CYTH4: variants seen among roughly 807,000 people sequenced by gnomAD.
The protein encoded by CYTH4 is cytohesin 4.
CYTH4 carries 22 observed loss-of-function variants against 57.5 expected under a neutral mutation model. The observed-to-expected ratio is 0.38, with a 90% CI of 0.27 to 0.55. The LOEUF (loss-of-function observed/expected upper bound fraction) is 0.55. CYTH4 is among the 20% of genes least tolerant of loss of function. The pLI, the probability that CYTH4 is intolerant of heterozygous loss-of-function variation, is 0.74. For synonymous variants in CYTH4, 186 were observed against 206.5 expected (o/e 0.90, Z 0.85); for missense variants, 420 against 535.6 (o/e 0.78, Z 2.13).
intron 1 of CYTH4, among the ~76,000 whole-genome samples, chr22:37,285,858 G>A (rs768280104): frequency 1.8e-4 from 27 of 152,162 alleles, no homozygotes; most frequent in East Asian, 1.9e-4. Flanking sequence ...CAGCAAGCCC[G>A]GGGCCATCAT....
At chr22:37,312,874 T>G (rs541966035) in intron 12 of CYTH4, among the ~76,000 whole-genome samples, 11 of 152,344 alleles carry the variant, frequency 7.2e-5, no homozygotes, top group Middle Eastern at 3.4e-3. Flanking sequence ...CCCAAGATAT[T>G]GGCAAGGGTG....
In CYTH4 at chr22:37,311,877, TG is replaced by T; in HGVS notation, c.958-140del. On this transcript the variant is annotated intron_variant, in intron 11 of 12. Coordinates refer to ENST00000248901, the MANE Select transcript of CYTH4 (RefSeq NM_013385.5). This position sits in a 1 kb window ranked among gnomAD's most constrained non-coding sequence, Gnocchi z 4.4. ...CCTGCCACAGAGAGAGTGCTCAGTG[TG>T]GGAGCAGCAGCTCCTGCCCCTTCGC... 2 of 1,054,814 alleles carry T rather than the reference TG, an allele frequency of 1.9e-6. No homozygotes were observed. The highest frequency in any genetic ancestry group is 2.7e-6 in the Non-Finnish European group (2 of 736,522). 65.3% of individuals were successfully genotyped at this position (1,054,814 alleles called of 1,614,324 possible). A position where few individuals can be genotyped will look rare whatever the true frequency, so the allele number is the denominator to read the frequency against.
chr22:37,288,959 G>C (rs992560576), intron 1 of CYTH4, among the ~76,000 whole-genome samples: 1 of 152,214 alleles, frequency 6.6e-6, no homozygotes. Context: ...TGCTGTGTTG[G>C]TGGGTCAAAC....
chr22:37,297,152 A>G (rs1336981754), intron 4 of CYTH4, among the ~76,000 whole-genome samples: 1 of 152,186 alleles, frequency 6.6e-6, no homozygotes, highest in Non-Finnish European at 1.5e-5. Context: ...CTTTTATACA[A>G]TAGACATAGA....
intron 5 of CYTH4, 151 bp downstream of exon 5, chr22:37,297,833 G>T (rs980458704): frequency 1.4e-5 from 9 of 637,306 alleles, no homozygotes; most frequent in Non-Finnish European, 2.5e-5. Flanking sequence ...TCCAGATTCT[G>T]AGTCAAAGCC....
In CYTH4 at chr22:37,313,578, C is replaced by A; in HGVS notation, c.*67C>A. The A allele has an allele frequency of 7.2e-7, 1 of 1,385,882 alleles. No individual in the cohort carries two copies. Among genetic ancestry groups the A allele is most frequent in the Non-Finnish European group, 1.0e-6 (1 of 973,650 alleles). The allele number at this position is 1,385,882 out of a possible 1,614,324, so 85.8% of individuals were successfully genotyped here. A position where few individuals can be genotyped will look rare whatever the true frequency, so the allele number is the denominator to read the frequency against. On this transcript the variant is annotated 3_prime_UTR_variant, in exon 13 of 13. Coordinates refer to ENST00000248901, the MANE Select transcript of CYTH4 (RefSeq NM_013385.5). ...CCCATCGCCTGCAGCACCTGGAGAC[C>A]CACCTCCCACCCCAGTGCACTCTTT...
chr22:37,306,028 A>G (rs1181457897), intron 8 of CYTH4, among the ~76,000 whole-genome samples: 6 of 152,184 alleles, frequency 3.9e-5, no homozygotes, highest in Admixed American at 3.9e-4. Context: ...CTCTGCCCTT[A>G]TGTCTGTGTG....
Position 37,313,620 on chromosome 22 carries a change from T to TGA in CYTH4, c.*109_*110insGA. The TGA allele has an allele frequency of 1.1e-5, 11 of 1,020,892 alleles. No homozygotes were observed. The highest frequency in any genetic ancestry group is 1.7e-5 in the Non-Finnish European group (11 of 662,254). The allele number at this position is 1,020,892 out of a possible 1,614,324, so 63.2% of individuals were successfully genotyped here. A position where few individuals can be genotyped will look rare whatever the true frequency, so the allele number is the denominator to read the frequency against. On this transcript the variant is annotated 3_prime_UTR_variant, in exon 13 of 13. Transcript: ENST00000248901. ...GCACTCTTTTGGGCCACAGACATCA[T>TGA]TGCTGTTCCCCGTTACCTCGAGCTG...
At chr22:37,309,479 C>T (rs961118155) in intron 9 of CYTH4, among the ~76,000 whole-genome samples, 156 bp downstream of exon 9, 4 of 152,164 alleles carry the variant, frequency 2.6e-5, no homozygotes, top group African/African-American at 4.8e-5. Context: ...GTCTCCTGGC[C>T]CCCAGTGCAG....
At chr22:37,304,977 A>C (rs1929344143) in intron 8 of CYTH4, among the ~76,000 whole-genome samples, 1 of 152,202 alleles carries the variant, frequency 6.6e-6, no homozygotes, top group Non-Finnish European at 1.5e-5. Context: ...GTCACTATTA[A>C]AAATAATTAA....
chr22:37,288,618 T>C (rs1263722060), intron 1 of CYTH4, among the ~76,000 whole-genome samples: 1 of 149,240 alleles, frequency 6.7e-6, no homozygotes, highest in Non-Finnish European at 1.5e-5. Flanking sequence ...AGTGGGTCAC[T>C]AGGAGAATGG....
At chr22:37,301,682 CTTTTTTTTTTTT>C (rs71798839) in intron 7 of CYTH4, among the ~76,000 whole-genome samples, 1 of 50,346 alleles carries the variant, frequency 2.0e-5, no homozygotes, top group Admixed American at 2.9e-4. Context: ...CCACTCAATC[CTTTTTTTTTTTT>C]TTTTTTTTTT....
intron 8 of CYTH4, among the ~76,000 whole-genome samples, chr22:37,307,339 C>T (rs1025459064): frequency 6.6e-6 from 1 of 152,234 alleles, no homozygotes; most frequent in Non-Finnish European, 1.5e-5. Flanking sequence ...TGCCCCCCTG[C>T]ACAGCTCCTT....
chr22:37,295,395 T>C lies in CYTH4; in HGVS notation c.168-604T>C, dbSNP rs935546704. On this transcript the variant is annotated intron_variant, in intron 3 of 12. Coordinates refer to ENST00000248901, the MANE Select transcript of CYTH4 (RefSeq NM_013385.5). The surrounding 1 kb of genome is among the most constrained non-coding windows in gnomAD (Gnocchi z 4.1). ...ACACACATGCACACACACACACGCA[T>C]GCACACACACACAAGCATGCACACA... Among the ~76,000 whole-genome samples the C allele has an allele frequency of 1.4e-5, 2 of 140,160 alleles. No homozygotes were observed. The highest frequency in any genetic ancestry group is 3.0e-5 in the Non-Finnish European group (2 of 67,384). The allele number at this position is 140,160 out of a possible 152,430, so 92.0% of individuals were successfully genotyped here.
rs1929676633 is a variant in CYTH4 at position 37,312,294 on chromosome 22, G to A, written c.1112+120G>A. 1.2e-5 allele frequency: 17 copies of A among 1,384,490 alleles called. 1 individual carries two copies. The South Asian group carries it at 2.2e-4, about 18-fold the overall frequency. 85.8% of individuals were successfully genotyped at this position (1,384,490 alleles called of 1,614,324 possible). ...CTCCAGTCTCTCCCTCCTGTTTCTG[G>A]CTGGCAAACCCCTTCCACCCGTATT... On this transcript the variant is annotated intron_variant, in intron 12 of 12. Coordinates refer to ENST00000248901, the MANE Select transcript of CYTH4 (RefSeq NM_013385.5).
chr22:37,296,170 G>A, intron 4 of CYTH4, 105 bp downstream of exon 4: 7 of 1,222,770 alleles, frequency 5.7e-6, no homozygotes, highest in Non-Finnish European at 8.0e-6. Flanking sequence ...CTTTCCAGAG[G>A]AGGAAGCTGT....
Position 37,300,820 on chromosome 22 carries a change from G to A in CYTH4, c.435-87G>A, listed in dbSNP as rs966804384. The A allele has an allele frequency of 7.4e-6, 8 of 1,074,698 alleles. No homozygotes were observed. The African/African-American group carries it at 9.4e-5, about 13-fold the overall frequency. The allele number at this position is 1,074,698 out of a possible 1,614,324, so 66.6% of individuals were successfully genotyped here. On this transcript the variant is annotated intron_variant, in intron 6 of 12. Coordinates refer to ENST00000248901, the MANE Select transcript of CYTH4 (RefSeq NM_013385.5). ...GATTCCCCCATTTACAGGATACAGA[G>A]ACTAAACCTGGGAGAGGCAGGGCAG...
intron 8 of CYTH4, among the ~76,000 whole-genome samples, chr22:37,308,842 G>A (rs1476469496): frequency 6.6e-6 from 1 of 151,848 alleles, no homozygotes; most frequent in African/African-American, 2.4e-5. Context: ...ATATAAGTGT[G>A]CCTGCATGTG....
At chr22:37,300,326 T>C (rs1267431715) in intron 6 of CYTH4, 1 of 689,978 alleles carries the variant, frequency 1.4e-6, no homozygotes, top group Non-Finnish European at 2.7e-6. Flanking sequence ...ATTCACATAT[T>C]CATTCATTCA....
Sources: gnomAD v4.1 joint callset for allele counts (sites outside exome capture counted in the v4.1 genomes callset) on GRCh38, gnomAD v4.1.1 for gene constraint, Gnocchi (gnomAD v3.1) non-coding constraint, MANE v1.5 for transcripts, NCBI Gene and HGNC (gene_info 2026-07-23, HGNC 2026-07-21) for gene names.